The following NPAS3 variants were observed in gnomAD, a reference collection of about 807,000 sequenced individuals.
The protein encoded by NPAS3 is neuronal PAS domain-containing protein 3.
In NPAS3, 14 loss-of-function variants were observed where a neutral mutation model predicts 73.1. The ratio of observed to expected loss-of-function variants is 0.19; its 90% CI spans 0.13 to 0.30. The LOEUF (loss-of-function observed/expected upper bound fraction) is 0.30. Ranked by LOEUF, NPAS3 falls within the 10% of genes least tolerant of loss-of-function variation. The probability of loss-of-function intolerance (pLI) is 1.00; values close to 1 mark genes in which losing one functional copy is unlikely to be tolerated. For missense variants in NPAS3, 1,096 were observed against 1,250.0 expected, an observed-to-expected ratio of 0.88 and a Z score of 1.86; for synonymous variants, 620 against 541.5, an observed-to-expected ratio of 1.14 and a Z score of -2.01.
intron 3 of NPAS3, among the ~76,000 whole-genome samples, chr14:33,248,704 G>C (rs2048474683): frequency 6.6e-6 from 1 of 152,172 alleles, no homozygotes; most frequent in South Asian, 2.1e-4. Flanking sequence ...TTCCCACTGT[G>C]ATTGGTTGTC....
chr14:33,619,455 A>T (rs113383199), intron 5 of NPAS3, among the ~76,000 whole-genome samples: 3,531 of 152,320 alleles, frequency 0.023, 133 homozygotes, highest in African/African-American at 0.08. Flanking sequence ...GATTAAAAAA[A>T]AAAATCCAAA....
chr14:33,054,196 T>G (rs1246170444), intron 1 of NPAS3, among the ~76,000 whole-genome samples: 2 of 152,210 alleles, frequency 1.3e-5, no homozygotes, highest in South Asian at 4.1e-4. Flanking sequence ...TTATATCTCT[T>G]GCTTTCTTGT....
intron 2 of NPAS3, among the ~76,000 whole-genome samples, chr14:33,145,984 G>A (rs1169419089): frequency 6.6e-6 from 1 of 151,134 alleles, no homozygotes; most frequent in African/African-American, 2.4e-5. Flanking sequence ...GGCTACCGAG[G>A]GCTTTACTAT....
chr14:33,371,688 CTA>C (rs2046095582), intron 4 of NPAS3, among the ~76,000 whole-genome samples: 1 of 152,090 alleles, frequency 6.6e-6, no homozygotes, highest in African/African-American at 2.4e-5. Flanking sequence ...ATCAACGTGT[CTA>C]TGTGTGTGTG....
At chr14:33,510,931 T>C (rs571207892) in intron 4 of NPAS3, among the ~76,000 whole-genome samples, 1 of 152,196 alleles carries the variant, frequency 6.6e-6, no homozygotes, top group South Asian at 2.1e-4. Context: ...CACTTAGGCA[T>C]AGGTAGAGGG....
chr14:33,225,786 C>T (rs909348501), intron 3 of NPAS3, among the ~76,000 whole-genome samples: 7 of 152,124 alleles, frequency 4.6e-5, no homozygotes, highest in African/African-American at 1.7e-4. Flanking sequence ...CATAGATAGC[C>T]AACTCCTGTT....
intron 4 of NPAS3, among the ~76,000 whole-genome samples, chr14:33,372,946 A>G (rs1211606466): frequency 6.6e-6 from 1 of 152,180 alleles, no homozygotes; most frequent in African/African-American, 2.4e-5. Flanking sequence ...TTAGGGCATT[A>G]TATTGTTCCC....
chr14:33,057,855 AT>A (rs1364625955), intron 2 of NPAS3, among the ~76,000 whole-genome samples: 1 of 152,186 alleles, frequency 6.6e-6, no homozygotes, highest in African/African-American at 2.4e-5. Context: ...GGTGTTGTGT[AT>A]TTTAGTGAAG....
intron 2 of NPAS3, among the ~76,000 whole-genome samples, chr14:33,091,722 G>A (rs8009128): frequency 0.82 from 124,710 of 152,110 alleles, 51,225 homozygotes; most frequent in African/African-American, 0.85. Context: ...AAAATCCTCA[G>A]TAAAATACTG....
chr14:32,996,739 A>G (rs2038591120), intron 1 of NPAS3, among the ~76,000 whole-genome samples: 1 of 152,180 alleles, frequency 6.6e-6, no homozygotes, highest in African/African-American at 2.4e-5. Flanking sequence ...GATATATGGA[A>G]ATGCCTTGAA....
chr14:33,202,546 A>AG (rs2046658666), intron 2 of NPAS3, among the ~76,000 whole-genome samples: 1 of 152,220 alleles, frequency 6.6e-6, no homozygotes, highest in Admixed American at 6.5e-5. Context: ...AGCCTATCAG[A>AG]GGACTGAGCC....
intron 1 of NPAS3, among the ~76,000 whole-genome samples, chr14:32,982,666 A>G (rs1364606475): frequency 1.3e-5 from 2 of 152,234 alleles, no homozygotes; most frequent in Admixed American, 1.3e-4. Flanking sequence ...AAATTCAATT[A>G]GTTCCTAAAT....
intron 3 of NPAS3, among the ~76,000 whole-genome samples, chr14:33,287,444 G>A (rs17565436): frequency 0.29 from 44,681 of 151,960 alleles, 6,927 homozygotes; most frequent in Middle Eastern, 0.37. Flanking sequence ...AGCAGGAAGC[G>A]AGAAAGAGAG....
At chr14:33,199,008 C>T (rs1365555288) in intron 2 of NPAS3, among the ~76,000 whole-genome samples, 8 of 152,158 alleles carry the variant, frequency 5.3e-5, no homozygotes, top group Admixed American at 6.5e-5. Flanking sequence ...CCGTGGCCGG[C>T]GGTGCCGGCC....
chr14:33,746,636 C>T (rs1308925611), intron 7 of NPAS3, among the ~76,000 whole-genome samples: 2 of 151,816 alleles, frequency 1.3e-5, no homozygotes, highest in African/African-American at 4.8e-5. Context: ...CACAGCAACT[C>T]TGTGAGACAT....
chr14:33,474,527 C>T (rs2139642445), intron 4 of NPAS3, among the ~76,000 whole-genome samples: 1 of 152,138 alleles, frequency 6.6e-6, no homozygotes, highest in Non-Finnish European at 1.5e-5. Flanking sequence ...AAACTATCGC[C>T]TTTAATTTTA....
intron 3 of NPAS3, among the ~76,000 whole-genome samples, chr14:33,299,514 T>G (rs1277217356): frequency 1.3e-5 from 2 of 152,172 alleles, no homozygotes; most frequent in African/African-American, 4.8e-5. Flanking sequence ...TAGAAAGAGC[T>G]GGGAGATGGA....
chr14:33,383,365 T>G (rs1397612289), intron 4 of NPAS3, among the ~76,000 whole-genome samples: 1 of 152,160 alleles, frequency 6.6e-6, no homozygotes, highest in Admixed American at 6.6e-5. Flanking sequence ...TTGTCCCTTT[T>G]GTTTTGGGCA....
At chr14:33,587,956 AC>A (rs1415386566) in intron 5 of NPAS3, among the ~76,000 whole-genome samples, 2 of 152,190 alleles carry the variant, frequency 1.3e-5, no homozygotes, top group African/African-American at 4.8e-5. Flanking sequence ...CTGATTCACC[AC>A]ACCATATGAT....
Sources: gnomAD v4.1 joint callset for allele counts (sites outside exome capture counted in the v4.1 genomes callset) on GRCh38, gnomAD v4.1.1 for gene constraint, MANE v1.5 for transcripts, NCBI Gene and HGNC (gene_info 2026-07-23, HGNC 2026-07-21) for gene names.